EGFLAM: variants seen among roughly 807,000 people sequenced by gnomAD.
The protein encoded by EGFLAM is EGF like, fibronectin type III and laminin G domains.
In EGFLAM, 79 loss-of-function variants were observed where a neutral mutation model predicts 113.1. The observed-to-expected ratio is 0.70, with a 90% CI of 0.58 to 0.84. EGFLAM has a LOEUF of 0.84. Ranked by LOEUF, EGFLAM falls within the 40% of genes least tolerant of loss-of-function variation. The probability of loss-of-function intolerance (pLI) is 0.00; values close to 1 mark genes in which losing one functional copy is unlikely to be tolerated. For missense variants in EGFLAM, 1,265 were observed against 1,291.6 expected (o/e 0.98, Z 0.32); for synonymous variants, 504 against 487.6 (o/e 1.03, Z -0.44).
chr5:38,397,466 T>C (rs1255950380), intron 6 of EGFLAM, among the ~76,000 whole-genome samples: 1 of 152,160 alleles, frequency 6.6e-6, no homozygotes, highest in East Asian at 1.9e-4. Context: ...ATTTTTATCT[T>C]TATTTTTATA....
intron 11 of EGFLAM, 128 bp downstream of exon 11, chr5:38,412,776 T>A (rs1410570969): frequency 1.2e-5 from 17 of 1,370,840 alleles, no homozygotes; most frequent in Non-Finnish European, 5.8e-6. Context: ...TGGTAAGGCC[T>A]ATTTCTCATG....
chr5:38,350,109 T>C (rs78796663), intron 3 of EGFLAM, among the ~76,000 whole-genome samples: 35 of 152,326 alleles, frequency 2.3e-4, no homozygotes, highest in African/African-American at 7.9e-4. Context: ...AGTGTGCAGC[T>C]GCAGCTATTC....
chr5:38,441,584 G>T (rs1223208395), intron 17 of EGFLAM, among the ~76,000 whole-genome samples: 1 of 138,032 alleles, frequency 7.2e-6, no homozygotes, highest in African/African-American at 3.1e-5. Flanking sequence ...AATATGAATC[G>T]CTGCTTTGTA....
chr5:38,326,523 G>T (rs1437270982), intron 1 of EGFLAM, among the ~76,000 whole-genome samples: 35 of 151,680 alleles, frequency 2.3e-4, no homozygotes, highest in African/African-American at 8.5e-4. Context: ...TTTTAAGACG[G>T]AGTCTCACTC....
intron 12 of EGFLAM, among the ~76,000 whole-genome samples, chr5:38,422,221 C>T (rs935621426): frequency 6.6e-6 from 1 of 152,158 alleles, no homozygotes; most frequent in African/African-American, 2.4e-5. Flanking sequence ...GAAACCTACA[C>T]AACAACTGGC....
intron 13 of EGFLAM, among the ~76,000 whole-genome samples, chr5:38,426,673 C>A (rs995092889): frequency 5.3e-5 from 8 of 152,168 alleles, no homozygotes; most frequent in African/African-American, 1.9e-4. Context: ...GGGGGTTCTG[C>A]TCCACACAGT....
chr5:38,396,305 C>CA (rs1366072573), intron 6 of EGFLAM, among the ~76,000 whole-genome samples: 5 of 152,182 alleles, frequency 3.3e-5, no homozygotes, highest in Non-Finnish European at 7.4e-5. Flanking sequence ...AGCTTCCTTT[C>CA]AAAAGCCATA....
chr5:38,450,847 G>A (rs940113713), intron 18 of EGFLAM, among the ~76,000 whole-genome samples: 12 of 152,180 alleles, frequency 7.9e-5, no homozygotes, highest in African/African-American at 2.9e-4. Context: ...CCATCGCTTG[G>A]GTATTTTCCC....
intron 6 of EGFLAM, among the ~76,000 whole-genome samples, chr5:38,391,702 C>T (rs1051245600): frequency 2.0e-5 from 3 of 152,072 alleles, no homozygotes; most frequent in African/African-American, 7.2e-5. Context: ...CGGCCTTACA[C>T]AGTGTTTTAA....
chr5:38,354,456 C>T (rs780017471), intron 5 of EGFLAM, among the ~76,000 whole-genome samples: 7 of 152,166 alleles, frequency 4.6e-5, no homozygotes, highest in Non-Finnish European at 2.9e-5. Context: ...TGGCCAGGCG[C>T]GGTGGCTCAC....
At chr5:38,370,927 G>A (rs528615576) in intron 6 of EGFLAM, among the ~76,000 whole-genome samples, 8 of 152,298 alleles carry the variant, frequency 5.3e-5, no homozygotes, top group South Asian at 2.1e-4. Context: ...GAAGTTGAGC[G>A]CTGACATGGA....
intron 21 of EGFLAM, 61 bp from the exon 22 acceptor site, chr5:38,463,771 G>T: frequency 6.3e-7 from 1 of 1,591,890 alleles, no homozygotes; most frequent in South Asian, 1.1e-5. Context: ...CTGGAACCCC[G>T]ACCTTGCCCT....
At chr5:38,443,242 G>T (rs1355341945) in intron 17 of EGFLAM, among the ~76,000 whole-genome samples, 2 of 152,158 alleles carry the variant, frequency 1.3e-5, no homozygotes, top group Non-Finnish European at 2.9e-5. Context: ...CTCCAGCCTG[G>T]GTGACAGAGC....
chr5:38,314,011 G>C (rs1454598969), intron 1 of EGFLAM, among the ~76,000 whole-genome samples: 1 of 152,202 alleles, frequency 6.6e-6, no homozygotes, highest in Non-Finnish European at 1.5e-5. Context: ...TATAATGTTT[G>C]TTTTGTGTAT....
rs200178357 is a variant in EGFLAM, at chr5:38,458,378, C to A, written c.2755C>A (p.Arg919=). 1.2e-6 allele frequency: 2 copies of A among 1,613,812 alleles called. No individual in the cohort carries two copies. The highest frequency in any genetic ancestry group is 1.7e-5 in the Admixed American group (1 of 59,984). The change falls in exon 20 of 22, where the codon CGA becomes AGA. Residue 919 remains arginine (R), a synonymous_variant. Coordinates refer to ENST00000322350, the MANE Select transcript of EGFLAM (RefSeq NM_152403.4). ...CTCCTTCAACGATGGTCGGTGGCAC[C>A]GAGTTAAGGCCGTTAGGTGAGTCCC... ...NGSFNDGRWH[R]VKAVRDGQSG...
intron 5 of EGFLAM, among the ~76,000 whole-genome samples, chr5:38,358,372 G>A (rs184681636): frequency 3.3e-5 from 5 of 150,138 alleles, no homozygotes; most frequent in Admixed American, 2.0e-4. Context: ...GTGTGAACCC[G>A]GGAGGCGGAG....
intron 1 of EGFLAM, among the ~76,000 whole-genome samples, chr5:38,324,132 G>T (rs1738812841): frequency 6.6e-6 from 1 of 152,014 alleles, no homozygotes; most frequent in Admixed American, 6.5e-5. Flanking sequence ...GAAAGCCTTG[G>T]GTGGTTTCCC....
At chr5:38,357,281 C>T (rs895246580) in intron 5 of EGFLAM, among the ~76,000 whole-genome samples, 1 of 151,794 alleles carries the variant, frequency 6.6e-6, no homozygotes, top group Non-Finnish European at 1.5e-5. Context: ...CAGACCCTCA[C>T]CAGGCAATGG....
At chr5:38,372,183 C>G (rs1444521249) in intron 6 of EGFLAM, among the ~76,000 whole-genome samples, 1 of 151,894 alleles carries the variant, frequency 6.6e-6, no homozygotes, top group Non-Finnish European at 1.5e-5. Context: ...CACTCTGTCA[C>G]CCAGGTTGGA....
Sources: gnomAD v4.1 joint callset for allele counts (sites outside exome capture counted in the v4.1 genomes callset) on GRCh38, gnomAD v4.1.1 for gene constraint, MANE v1.5 for transcripts, NCBI Gene and HGNC (gene_info 2026-07-23, HGNC 2026-07-21) for gene names.